PPP2R2C: variants seen among roughly 807,000 people sequenced by gnomAD.
The protein encoded by PPP2R2C is protein phosphatase 2 regulatory subunit Bgamma, also known as protein phosphatase 2, regulatory subunit B, gamma.
In PPP2R2C, 10 loss-of-function variants were observed where a neutral mutation model predicts 45.3. The ratio of observed to expected loss-of-function variants is 0.22; its 90% CI spans 0.14 to 0.37. The LOEUF is 0.37. Among genes scored for constraint, PPP2R2C ranks in the 10% least tolerant of loss-of-function variants. The probability of loss-of-function intolerance (pLI) is 1.00; values close to 1 mark genes in which losing one functional copy is unlikely to be tolerated. For synonymous variants in PPP2R2C, 257 were observed against 245.4 expected (o/e 1.05, Z -0.44); for missense variants, 308 against 619.7 (o/e 0.50, Z 5.34).
chr4:6,538,021 G>A (rs1477089069), intron 1 of PPP2R2C, among the ~76,000 whole-genome samples: 4 of 152,080 alleles, frequency 2.6e-5, no homozygotes, highest in African/African-American at 7.2e-5. Flanking sequence ...AAAAAGCTCC[G>A]GCGATGGGTC....
At chr4:6,342,945 C>T (rs917444525) in intron 6 of PPP2R2C, among the ~76,000 whole-genome samples, 10 of 152,348 alleles carry the variant, frequency 6.6e-5, no homozygotes, top group South Asian at 2.1e-4. Flanking sequence ...TCTTCATTCG[C>T]GGTCTGATTC....
intron 1 of PPP2R2C, among the ~76,000 whole-genome samples, chr4:6,536,629 C>G (rs999993122): frequency 6.6e-6 from 1 of 152,210 alleles, no homozygotes; most frequent in African/African-American, 2.4e-5. Context: ...CCCTCCTGTG[C>G]AGGGTGGGTG....
chr4:6,411,768 G>A (rs1017737994), intron 1 of PPP2R2C, among the ~76,000 whole-genome samples: 2 of 151,990 alleles, frequency 1.3e-5, no homozygotes, highest in African/African-American at 4.8e-5. Context: ...TAGCCAGGAT[G>A]GTCTCAATCT....
intron 1 of PPP2R2C, chr4:6,384,853 T>G: frequency 1.0e-6 from 1 of 985,470 alleles, no homozygotes; most frequent in Non-Finnish European, 1.2e-6. Context: ...ATGAGCTCTT[T>G]GCAGACAGAA....
chr4:6,382,061 CCAA>C, intron 1 of PPP2R2C: 1 of 1,401,588 alleles, frequency 7.1e-7, no homozygotes, highest in South Asian at 1.6e-5. Flanking sequence ...GCCTGCTCCA[CCAA>C]CAAGTTTTAC....
intron 1 of PPP2R2C, among the ~76,000 whole-genome samples, chr4:6,444,904 C>A (rs1720338671): frequency 6.6e-6 from 1 of 152,202 alleles, no homozygotes; most frequent in African/African-American, 2.4e-5. Flanking sequence ...ACCTCTCCAG[C>A]CTGGGCACAG....
chr4:6,382,079 G>A lies in PPP2R2C; in HGVS notation c.71-985C>T, dbSNP rs116564423. 4,665 of 1,377,626 alleles carry A rather than the reference G, an allele frequency of 3.4e-3. 47 individuals are homozygous for A. Among genetic ancestry groups the A allele is most frequent in the African/African-American group, 0.03 (2,030 of 68,310 alleles). The allele number at this position is 1,377,626 out of a possible 1,614,324, so 85.3% of individuals were successfully genotyped here. On this transcript the variant is annotated intron_variant, in intron 1 of 8. Coordinates refer to ENST00000382599, the MANE Select transcript of PPP2R2C (RefSeq NM_020416.4). ...TGCTCCACCAACAAGTTTTACTGCAGCCCCAAAATGATTATTACTTTTAAT... is the reference window on the plus strand; with the variant it reads ...TGCTCCACCAACAAGTTTTACTGCAACCCCAAAATGATTATTACTTTTAAT...
intron 1 of PPP2R2C, among the ~76,000 whole-genome samples, chr4:6,560,634 G>A (rs1038128780): frequency 1.3e-5 from 2 of 152,202 alleles, no homozygotes; most frequent in African/African-American, 4.8e-5. Flanking sequence ...TGCTGTTACT[G>A]GAGCTCTGTG....
intron 2 of PPP2R2C, among the ~76,000 whole-genome samples, chr4:6,497,510 C>CA (rs1722917993): frequency 6.6e-6 from 1 of 152,044 alleles, no homozygotes; most frequent in Non-Finnish European, 1.5e-5. Context: ...AAACCCTAGA[C>CA]AAAAATAAAT....
In PPP2R2C at chr4:6,471,643, G is replaced by GC. The variant is rs956918151; in HGVS notation, c.70+516dup. ...CCCTGCCTCTGGAGGACAGGGAGGG[G>GC]CCCGGGCAGGCGGGCCTCCCAGGAG... is the stretch of plus-strand genomic sequence containing the variant. On this transcript the variant is annotated intron_variant, in intron 1 of 8. Coordinates refer to ENST00000382599, the MANE Select transcript of PPP2R2C (RefSeq NM_020416.4). The surrounding 1 kb of genome is among the most constrained non-coding windows in gnomAD (Gnocchi z 5.6). 2 of 153,406 alleles carry GC rather than the reference G, an allele frequency of 1.3e-5. No individual in the cohort carries two copies. Among genetic ancestry groups the GC allele is most frequent in the Non-Finnish European group, 2.9e-5 (2 of 68,818 alleles). 9.5% of individuals were successfully genotyped at this position (153,406 alleles called of 1,614,324 possible). A position where few individuals can be genotyped will look rare whatever the true frequency, so the allele number is the denominator to read the frequency against.
intron 1 of PPP2R2C, among the ~76,000 whole-genome samples, chr4:6,405,229 C>A (rs1222522385): frequency 6.6e-6 from 1 of 152,112 alleles, no homozygotes; most frequent in Non-Finnish European, 1.5e-5. Context: ...CGAGCGGGTT[C>A]CCCAGGTCGC....
intron 6 of PPP2R2C, among the ~76,000 whole-genome samples, chr4:6,335,306 G>A (rs1425671330): frequency 6.6e-6 from 1 of 152,200 alleles, no homozygotes; most frequent in African/African-American, 2.4e-5. Flanking sequence ...TAGTTTAGGT[G>A]AACAGGGCCT....
chr4:6,338,644 A>G (rs1733186729), intron 6 of PPP2R2C, among the ~76,000 whole-genome samples: 1 of 151,890 alleles, frequency 6.6e-6, no homozygotes, highest in African/African-American at 2.4e-5. Flanking sequence ...CTCCTTCTCA[A>G]TGGGTCCCAA....
intron 5 of PPP2R2C, among the ~76,000 whole-genome samples, chr4:6,351,826 C>A (rs544258206): frequency 2.9e-4 from 44 of 152,278 alleles, no homozygotes; most frequent in African/African-American, 1.0e-3. Flanking sequence ...GGTGTGGGCA[C>A]CGGGCTGGGT....
chr4:6,433,768 T>C (rs4689005), intron 1 of PPP2R2C, among the ~76,000 whole-genome samples: 16,852 of 152,272 alleles, frequency 0.11, 1,379 homozygotes, highest in East Asian at 0.44. Context: ...ACAGGCACCA[T>C]TGTTACATCC....
intron 1 of PPP2R2C, among the ~76,000 whole-genome samples, chr4:6,438,120 T>C (rs73207806): frequency 0.024 from 3,721 of 152,372 alleles, 68 homozygotes; most frequent in Middle Eastern, 0.048. Flanking sequence ...ATGATAGTCC[T>C]GAGTCACAGC....
At chr4:6,515,420 G>C (rs527458602) in intron 2 of PPP2R2C, among the ~76,000 whole-genome samples, 1 of 152,218 alleles carries the variant, frequency 6.6e-6, no homozygotes, top group Non-Finnish European at 1.5e-5. Flanking sequence ...ACCAGCAAGA[G>C]CCTGGAAGTT....
intron 1 of PPP2R2C, 162 bp from the exon 2 acceptor site, chr4:6,381,256 G>A: frequency 6.5e-7 from 1 of 1,534,110 alleles, no homozygotes; most frequent in South Asian, 1.2e-5. Flanking sequence ...ATCGGCGAGG[G>A]GCCACCAACC....
At chr4:6,362,361 G>C (rs1022975507) in intron 5 of PPP2R2C, among the ~76,000 whole-genome samples, 9 of 152,086 alleles carry the variant, frequency 5.9e-5, no homozygotes, top group Non-Finnish European at 1.3e-4. Flanking sequence ...TTAACAGGGA[G>C]CGAGTTCTAG....
Sources: gnomAD v4.1 joint callset for allele counts (sites outside exome capture counted in the v4.1 genomes callset) on GRCh38, gnomAD v4.1.1 for gene constraint, Gnocchi (gnomAD v3.1) non-coding constraint, MANE v1.5 for transcripts, NCBI Gene and HGNC (gene_info 2026-07-23, HGNC 2026-07-21) for gene names.